COLEC12: variants seen among roughly 807,000 people sequenced by gnomAD.
The protein encoded by COLEC12 is collectin-12.
In COLEC12, 33 loss-of-function variants were observed where a neutral mutation model predicts 71.1. That is an observed-to-expected ratio of 0.46 (90% CI 0.35 to 0.62). COLEC12 has a LOEUF of 0.62. COLEC12 is among the 20% of genes least tolerant of loss of function. COLEC12 has a pLI of 0.00. For missense variants in COLEC12, 765 were observed against 916.1 expected, an observed-to-expected ratio of 0.84 and a Z score of 2.13; for synonymous variants, 350 against 353.0, an observed-to-expected ratio of 0.99 and a Z score of 0.10.
At chr18:357,610 T>G in intron 2 of COLEC12, 88 bp from the exon 3 acceptor site, 1 of 1,103,382 alleles carries the variant, frequency 9.1e-7, no homozygotes, top group Non-Finnish European at 1.3e-6. Context: ...ATATTGGGAC[T>G]AAGAATAATT....
At chr18:422,811 C>T (rs563437027) in intron 2 of COLEC12, among the ~76,000 whole-genome samples, 33 of 152,220 alleles carry the variant, frequency 2.2e-4, no homozygotes, top group Middle Eastern at 3.4e-3. Flanking sequence ...TGAGATAAAA[C>T]GTGTAAGTTA....
intron 4 of COLEC12, 137 bp from the exon 5 acceptor site, chr18:347,478 A>C: frequency 1.5e-6 from 1 of 669,720 alleles, no homozygotes; most frequent in Non-Finnish European, 2.6e-6. Flanking sequence ...ACAGCTCTGC[A>C]TTAGTAAAAT....
intron 8 of COLEC12, among the ~76,000 whole-genome samples, chr18:328,249 A>T (rs1303247449): frequency 1.3e-5 from 2 of 152,176 alleles, no homozygotes; most frequent in Non-Finnish European, 2.9e-5. Context: ...GGCAGGGGAA[A>T]GGGAGGTGGA....
At chr18:405,941 C>T (rs552030594) in intron 2 of COLEC12, among the ~76,000 whole-genome samples, 7 of 152,150 alleles carry the variant, frequency 4.6e-5, no homozygotes, top group African/African-American at 1.7e-4. Flanking sequence ...TTAAGGACTT[C>T]TAAGTCACAG....
At chr18:371,731 C>T (rs762140850) in intron 2 of COLEC12, among the ~76,000 whole-genome samples, 7 of 152,092 alleles carry the variant, frequency 4.6e-5, no homozygotes, top group East Asian at 1.9e-4. Flanking sequence ...TCCCTGCCAG[C>T]GGGTAACTTG....
chr18:492,593 G>C (rs1917637734), intron 1 of COLEC12, among the ~76,000 whole-genome samples: 1 of 152,044 alleles, frequency 6.6e-6, no homozygotes, highest in Non-Finnish European at 1.5e-5. Flanking sequence ...GTCAGAATGA[G>C]GCCTTGAATC....
intron 2 of COLEC12, among the ~76,000 whole-genome samples, chr18:457,682 A>G (rs1158883502): frequency 6.6e-6 from 1 of 152,220 alleles, no homozygotes. Context: ...GAAGCTCACT[A>G]GACTCTTCCA....
intron 4 of COLEC12, 120 bp from the exon 5 acceptor site, chr18:347,461 T>C: frequency 2.6e-6 from 2 of 776,562 alleles, no homozygotes; most frequent in Non-Finnish European, 4.2e-6. Flanking sequence ...ATTGGCAGTA[T>C]AAGCGGACAG....
intron 2 of COLEC12, among the ~76,000 whole-genome samples, chr18:398,258 C>T (rs990126567): frequency 4.1e-4 from 63 of 152,168 alleles, no homozygotes; most frequent in Non-Finnish European, 1.0e-4. Flanking sequence ...GATTTTGTCA[C>T]CCCATAGTAG....
chr18:447,879 C>T (rs1916683687), intron 2 of COLEC12, among the ~76,000 whole-genome samples: 1 of 152,158 alleles, frequency 6.6e-6, no homozygotes, highest in African/African-American at 2.4e-5. Flanking sequence ...AGAAAAACTA[C>T]AATCTTCATC....
At position 412,401 on chromosome 18, in the gene COLEC12, C is replaced by T. The variant is rs111484970; in HGVS notation, c.59-54879G>A. Among the ~76,000 whole-genome samples the T allele has an allele frequency of 3.9e-3, 588 of 150,912 alleles. 2 individuals are homozygous for T. The highest frequency in any genetic ancestry group is 0.013 in the African/African-American group (548 of 41,138). ...TCAGAAATGAAAGGGGAAAGGAAGA[C>T]ATTCTCAGAGGAAGGAAAACTAAGT... On this transcript the variant is annotated intron_variant, in intron 2 of 9. Coordinates refer to ENST00000400256, the MANE Select transcript of COLEC12 (RefSeq NM_130386.3).
intron 8 of COLEC12, among the ~76,000 whole-genome samples, chr18:323,666 C>T (rs1333010146): frequency 1.3e-5 from 2 of 152,218 alleles, no homozygotes; most frequent in Admixed American, 6.5e-5. Context: ...TGTGGACATA[C>T]ATTTCGTTCA....
intron 2 of COLEC12, among the ~76,000 whole-genome samples, chr18:441,114 G>T (rs570340519): frequency 7.5e-6 from 1 of 133,326 alleles, no homozygotes; most frequent in South Asian, 2.8e-4. Context: ...CAGGCGTGGT[G>T]GCGGGCGCCT....
At chr18:456,373 G>C (rs1294163146) in intron 2 of COLEC12, among the ~76,000 whole-genome samples, 1 of 152,132 alleles carries the variant, frequency 6.6e-6, no homozygotes, top group Non-Finnish European at 1.5e-5. Context: ...GGGGAGTTAG[G>C]GCCAATCATG....
At chr18:343,076 T>C (rs1377953640) in intron 5 of COLEC12, among the ~76,000 whole-genome samples, 2 of 152,138 alleles carry the variant, frequency 1.3e-5, no homozygotes. Flanking sequence ...CATCAGCAGG[T>C]CCTGCCTGCC....
rs377468305 is a variant in COLEC12, at chr18:392,173, G to GA, written c.59-34652dup. Among the ~76,000 whole-genome samples, 181 of 152,306 alleles carry GA rather than the reference G, an allele frequency of 1.2e-3. 1 individual carries two copies. Among genetic ancestry groups the GA allele is most frequent in the African/African-American group, 4.2e-3 (175 of 41,560 alleles). ...GATGCTTTTTTCTAAGTTAACTGCA[G>GA]AAAGCCTTCCCTACCTACAGTGTTT... On this transcript the variant is annotated intron_variant, in intron 2 of 9. Transcript: ENST00000400256.
intron 2 of COLEC12, among the ~76,000 whole-genome samples, chr18:438,779 G>A (rs551378004): frequency 6.7e-6 from 1 of 149,940 alleles, no homozygotes; most frequent in African/African-American, 2.5e-5. Context: ...TTGCAGCCTG[G>A]GCGACAGAAT....
intron 2 of COLEC12, among the ~76,000 whole-genome samples, chr18:438,491 C>T (rs1204070109): frequency 6.6e-6 from 1 of 152,060 alleles, no homozygotes; most frequent in Non-Finnish European, 1.5e-5. Flanking sequence ...AAAAAGACAA[C>T]ATATTAGAGA....
At chr18:444,276 C>T (rs1916603252) in intron 2 of COLEC12, among the ~76,000 whole-genome samples, 1 of 152,156 alleles carries the variant, frequency 6.6e-6, no homozygotes, top group African/African-American at 2.4e-5. Context: ...AATTAACTGT[C>T]TCTTTTTCAG....
Sources: gnomAD v4.1 joint callset for allele counts (sites outside exome capture counted in the v4.1 genomes callset) on GRCh38, gnomAD v4.1.1 for gene constraint, MANE v1.5 for transcripts, NCBI Gene and HGNC (gene_info 2026-07-23, HGNC 2026-07-21) for gene names.